Variants in CACNA1H observed in about 807,000 individuals in gnomAD.
CACNA1H encodes the protein voltage-dependent T-type calcium channel subunit alpha-1H.
CACNA1H carries 149 observed loss-of-function variants against 192.5 expected under a neutral mutation model. The observed-to-expected ratio is 0.77, with a 90% CI of 0.68 to 0.89. The LOEUF (loss-of-function observed/expected upper bound fraction) is 0.89, where lower values mean the gene tolerates loss of function less well. CACNA1H is among the 40% of genes least tolerant of loss of function. The probability of loss-of-function intolerance (pLI) is 0.00; values close to 1 mark genes in which losing one functional copy is unlikely to be tolerated. For synonymous variants in CACNA1H, 2,202 were observed against 1,475.2 expected (o/e 1.49, Z -11.29); for missense variants, 4,257 against 3,423.5 (o/e 1.24, Z -6.08).
chr16:1,198,961 C>G lies in CACNA1H; in HGVS notation c.803+187C>G, dbSNP rs183628037. 1.1e-3 allele frequency: 655 copies of G among 587,974 alleles called. 4 individuals carry two copies. In the African/African-American group the frequency reaches 0.011, roughly 10 times the overall value. 36.4% of individuals were successfully genotyped at this position (587,974 alleles called of 1,614,324 possible). ...CCCGCCCCCACCCCCCATCATGGCT[C>G]CGCCCAGCTGGCAGTCACCGCCCCA... On this transcript the variant is annotated intron_variant, in intron 6 of 34. Transcript: ENST00000348261.
At chr16:1,189,414 T>G (rs1459030839) in intron 2 of CACNA1H, among the ~76,000 whole-genome samples, 1 of 105,240 alleles carries the variant, frequency 9.5e-6, no homozygotes, top group African/African-American at 6.4e-5. Context: ...TTTTTTTTTT[T>G]TTTTTTTTTT....
chr16:1,221,023 G>T lies in CACNA1H; in HGVS notation c.*29G>T. 6.6e-7 allele frequency: 1 copy of T among 1,516,516 alleles called. No individual in the cohort carries two copies. Among genetic ancestry groups the T allele is most frequent in the South Asian group, 1.3e-5 (1 of 75,540 alleles). 93.9% of individuals were successfully genotyped at this position (1,516,516 alleles called of 1,614,324 possible). On this transcript the variant is annotated 3_prime_UTR_variant, in exon 35 of 35. Coordinates refer to ENST00000348261, the MANE Select transcript of CACNA1H (RefSeq NM_021098.3). ...GGGGCTTGGTGCCGCCCACGGCTTT[G>T]GCCCTGGGGTCTGGGGGCCCCGCTG...
In CACNA1H at chr16:1,204,034, T is replaced by C; in HGVS notation, c.2027T>C (p.Leu676Pro). The C allele has an allele frequency of 6.4e-7, 1 of 1,567,248 alleles. No homozygotes were observed. The highest frequency in any genetic ancestry group is 2.4e-5 in the East Asian group (1 of 42,324). ...EHGLGQAPGHLSGLSVPCPLP... is the reference protein window; with the variant it reads ...EHGLGQAPGHPSGLSVPCPLP... ...GGACTGGGCCAGGCCCCTGGCCATC[T>C]GTCGGGCCTCAGTGTGCCCTGCCCC... is the stretch of plus-strand genomic sequence containing the variant. Residue 676 changes from leucine to proline, a missense_variant, in exon 10 of 35, where the codon CTG (leucine) becomes CCG (proline). Physicochemically the swap from Leu to Pro is moderately conservative, Grantham distance 98 (BLOSUM62 -3). Transcript: ENST00000348261.
intron 8 of CACNA1H, 91 bp from the exon 9 acceptor site, chr16:1,201,572 C>A (rs1394100371): frequency 2.8e-6 from 4 of 1,429,102 alleles, no homozygotes; most frequent in Non-Finnish European, 3.8e-6. Flanking sequence ...GTGACGCGGC[C>A]CCCACTCGAA....
chr16:1,171,445 T>A (rs1964358739), intron 2 of CACNA1H, among the ~76,000 whole-genome samples: 1 of 152,218 alleles, frequency 6.6e-6, no homozygotes, highest in Non-Finnish European at 1.5e-5. Flanking sequence ...CCCTGGGCTC[T>A]GACCACAGAG....
chr16:1,156,206 G>T (rs938470664), intron 2 of CACNA1H, among the ~76,000 whole-genome samples: 5 of 152,326 alleles, frequency 3.3e-5, no homozygotes, highest in African/African-American at 1.2e-4. Context: ...TCCAAACGCA[G>T]TGATGGGGGG....
chr16:1,217,123 G>A (rs1970092610), intron 31 of CACNA1H, 113 bp downstream of exon 31: 2 of 889,966 alleles, frequency 2.2e-6, no homozygotes, highest in East Asian at 5.3e-5. Flanking sequence ...GCCTGATCAG[G>A]GCCACACGCC....
rs117401773 is a variant in CACNA1H, at chr16:1,187,863, C to T, written c.300-7109C>T. On this transcript the variant is annotated intron_variant, in intron 2 of 34. Transcript: ENST00000348261. ...TCTCTTGAGGAGGGGCACACAGCCC[C>T]GCCTCCGTCCCTCTGTAGAAACATC... Among the ~76,000 whole-genome samples, 1,518 of 152,320 alleles carry T rather than the reference C, an allele frequency of 1.0e-2. 15 individuals carry two copies. Among genetic ancestry groups the T allele is most frequent in the Middle Eastern group, 0.017 (5 of 294 alleles).
chr16:1,201,765 C>T lies in CACNA1H; in HGVS notation c.1315C>T (p.Arg439Cys), dbSNP rs756550215. ...TCAGCTGATGCGGGAGCAGCGGGCA[C>T]GCCACCTGTCCAACGACAGCACGCT... ...ESQLMREQRA[R>C]HLSNDSTLAS... is the part of the protein sequence containing the mutation. The change falls in exon 9 of 35, where the codon CGC becomes TGC. Residue 439 changes from arginine (R) to cysteine (C), a missense_variant. Physicochemically the swap from Arg to Cys is radical, Grantham distance 180. Coordinates refer to ENST00000348261, the MANE Select transcript of CACNA1H (RefSeq NM_021098.3). 136 of 1,606,840 alleles carry T rather than the reference C, an allele frequency of 8.5e-5. No individual in the cohort carries two copies. The highest frequency in any genetic ancestry group is 3.4e-4 in the Middle Eastern group (2 of 5,900).
In CACNA1H at chr16:1,220,001, C is replaced by T. The variant is rs1567558317; in HGVS notation, c.6069C>T (p.Ser2023=). The part of the protein sequence containing the change: ...LCRQEAVHTD[S]LEGKIDSPRD... ...CACAGGAGGCTGTGCACACCGATTC[C>T]TTGGAAGGGAAGATTGACAGCCCTA... is the stretch of plus-strand genomic sequence containing the variant. Residue 2023 remains serine (S), a synonymous_variant, in exon 35 of 35, where the codon TCC becomes TCT. Transcript: ENST00000348261. 1.5e-6 allele frequency: 2 copies of T among 1,350,250 alleles called. No individual in the cohort carries two copies. Among genetic ancestry groups the T allele is most frequent in the Admixed American group, 3.4e-5 (1 of 29,820 alleles). 83.6% of individuals were successfully genotyped at this position (1,350,250 alleles called of 1,614,324 possible).
intron 2 of CACNA1H, among the ~76,000 whole-genome samples, chr16:1,188,896 G>A (rs1036902853): frequency 2.0e-5 from 3 of 152,188 alleles, no homozygotes; most frequent in Admixed American, 6.5e-5. Context: ...GACAGCAGCC[G>A]CTGCAGCACT....
At chr16:1,170,182 C>T (rs1964219927) in intron 2 of CACNA1H, among the ~76,000 whole-genome samples, 1 of 152,104 alleles carries the variant, frequency 6.6e-6, no homozygotes, top group African/African-American at 2.4e-5. Flanking sequence ...GACCCCAGCC[C>T]ACCCGGGTGT....
At position 1,195,328 on chromosome 16, in the gene CACNA1H, A is replaced by G. The variant is rs1376078033; in HGVS notation, c.412-104A>G. On this transcript the variant is annotated intron_variant, in intron 3 of 34. Coordinates refer to ENST00000348261, the MANE Select transcript of CACNA1H (RefSeq NM_021098.3). Reference sequence around the variant, plus strand: ...CTCAGGGCGGGGCAGGGGCGGGGCGAGGGGTGTGGCAAGACTGGGGGCCGG... The same window carrying G: ...CTCAGGGCGGGGCAGGGGCGGGGCGGGGGGTGTGGCAAGACTGGGGGCCGG... The G allele has an allele frequency of 4.8e-6, 5 of 1,046,490 alleles. No homozygotes were observed. In the East Asian group the frequency reaches 1.9e-4, roughly 40 times the overall value. 64.8% of individuals were successfully genotyped at this position (1,046,490 alleles called of 1,614,324 possible).
Position 1,204,675 on chromosome 16 carries a change from C to G in CACNA1H, c.2451+217C>G, listed in dbSNP as rs146766052. On this transcript the variant is annotated intron_variant, in intron 10 of 34. Coordinates refer to ENST00000348261, the MANE Select transcript of CACNA1H (RefSeq NM_021098.3). ...TCCTGGCCTCCTCTCTAGACGGCAG[C>G]TGATTAGGCTCCTTTTGAGATGCTG... 6.4e-3 allele frequency among the ~76,000 whole-genome samples: 969 copies of G among 152,264 alleles called. 9 individuals are homozygous for G. The highest frequency in any genetic ancestry group is 0.022 in the African/African-American group (920 of 41,518).
chr16:1,220,283 C>G lies in CACNA1H; in HGVS notation c.6351C>G (p.Pro2117=). ...GCCCCTGGCAGCCCACAGCCGAGCC[C>G]CATGGCCCCGAAGCCTCTCCGGTGG... is the stretch of plus-strand genomic sequence containing the variant. The part of the protein sequence containing the change: ...SACPWQPTAE[P]HGPEASPVAG... The change falls in exon 35 of 35, where the codon CCC becomes CCG. Residue 2117 remains proline (P), a synonymous_variant. Transcript: ENST00000348261. The G allele has an allele frequency of 6.3e-7, 1 of 1,584,974 alleles. No homozygotes were observed. Among genetic ancestry groups the G allele is most frequent in the Non-Finnish European group, 8.5e-7 (1 of 1,171,892 alleles).
At chr16:1,216,739 G>A (rs72552046) in intron 30 of CACNA1H, among the ~76,000 whole-genome samples, 193 bp from the exon 31 acceptor site, 165 of 152,304 alleles carry the variant, frequency 1.1e-3, no homozygotes, top group African/African-American at 3.7e-3. Flanking sequence ...ATGGTGCCCC[G>A]AGAGGGGCAT....
At chr16:1,211,438 G>A (rs1384928880) in intron 22 of CACNA1H, 43 bp from the exon 23 acceptor site, 1 of 1,611,344 alleles carries the variant, frequency 6.2e-7, no homozygotes. Context: ...TGTGGGGTGG[G>A]GCACAGGCCA....
Position 1,210,907 on chromosome 16 carries a change from G to A in CACNA1H, c.4159G>A (p.Gly1387Ser). The part of the protein sequence containing the change: ...VDIVVAMASA[G>S]GAKILGVLRV... ...CATTGTCGTGGCCATGGCCTCGGCTGGTGGCGCCAAGATCCTGGGTGTTCT... is the reference window on the plus strand; with the variant it reads ...CATTGTCGTGGCCATGGCCTCGGCTAGTGGCGCCAAGATCCTGGGTGTTCT... The change falls in exon 21 of 35, where the codon GGT (glycine) becomes AGT (serine). Residue 1387 changes from glycine (G) to serine (S), a missense_variant. Physicochemically the swap from Gly to Ser is moderately conservative, Grantham distance 56. Coordinates refer to ENST00000348261, the MANE Select transcript of CACNA1H (RefSeq NM_021098.3). 1 of 1,604,048 alleles carries A rather than the reference G, an allele frequency of 6.2e-7. No individual in the cohort carries two copies. Among genetic ancestry groups the A allele is most frequent in the Non-Finnish European group, 8.5e-7 (1 of 1,179,700 alleles).
At chr16:1,171,953 G>A (rs1964409858) in intron 2 of CACNA1H, among the ~76,000 whole-genome samples, 1 of 152,258 alleles carries the variant, frequency 6.6e-6, no homozygotes, top group Admixed American at 6.5e-5. Flanking sequence ...CGGGCGCCAG[G>A]ACGGACGCTG....
Sources: allele counts gnomAD v4.1 joint callset (sites outside exome capture counted in the v4.1 genomes callset), GRCh38; gene constraint gnomAD v4.1.1; transcripts MANE v1.5; gene names NCBI Gene and HGNC (gene_info 2026-07-23, HGNC 2026-07-21).